Variants in ZNF618 observed in about 807,000 individuals in gnomAD.
ZNF618 encodes the protein zinc finger protein 618, also known as neural precursor cell expressed, developmentally down-regulated 10.
ZNF618 carries 34 observed loss-of-function variants against 103.0 expected under a neutral mutation model. The ratio of observed to expected loss-of-function variants is 0.33; its 90% CI spans 0.25 to 0.44. The LOEUF (loss-of-function observed/expected upper bound fraction) is 0.44. ZNF618 is among the 20% of genes least tolerant of loss of function. The probability of loss-of-function intolerance (pLI) is 1.00; values close to 1 mark genes in which losing one functional copy is unlikely to be tolerated. For synonymous variants in ZNF618, 551 were observed against 542.2 expected (o/e 1.02, Z -0.23); for missense variants, 1,059 against 1,295.4 (o/e 0.82, Z 2.80).
chr9:113,935,664 T>G (rs1833964449), intron 1 of ZNF618, among the ~76,000 whole-genome samples: 4 of 152,176 alleles, frequency 2.6e-5, no homozygotes, highest in Admixed American at 2.6e-4. Context: ...ACTCTTCTCC[T>G]TCGAGCCCAA....
intron 1 of ZNF618, among the ~76,000 whole-genome samples, chr9:113,910,998 T>G (rs1238080796): frequency 6.6e-6 from 1 of 151,392 alleles, no homozygotes; most frequent in African/African-American, 2.4e-5. Flanking sequence ...GCCTGGCTAA[T>G]TTTTTTTGTA....
Position 114,024,991 on chromosome 9 carries a change from T to TC in ZNF618, c.845-3738dup, listed in dbSNP as rs1843376300. Among the ~76,000 whole-genome samples, 3 of 152,074 alleles carry TC rather than the reference T, an allele frequency of 2.0e-5. No individual in the cohort carries two copies. In the South Asian group the frequency reaches 6.2e-4, roughly 32 times the overall value. Reference sequence around the variant, plus strand: ...TCTCTCTGCCCTGGTCCAGAGGGGCTCCCCAAGCAGAGAGCTAGAGTGACC... The same window carrying TC: ...TCTCTCTGCCCTGGTCCAGAGGGGCTCCCCCAAGCAGAGAGCTAGAGTGACC... On this transcript the variant is annotated intron_variant, in intron 10 of 14. Transcript: ENST00000374126.
rs552663596 is a variant in ZNF618 at position 114,049,672 on chromosome 9, G to A, written c.2370G>A (p.Glu790=). ...TVSKLCHLFL[E]ALKENFKVHP... is the part of the protein sequence containing the mutation. ...GCAAGCTCTGCCACCTCTTCCTGGA[G>A]GCGCTCAAGGAGAACTTCAAGGTGC... Residue 790 remains glutamate, a synonymous_variant, in exon 15 of 15, where the codon GAG becomes GAA. Transcript: ENST00000374126. 1 of 1,613,840 alleles carries A rather than the reference G, an allele frequency of 6.2e-7. No individual in the cohort carries two copies. The highest frequency in any genetic ancestry group is 2.2e-5 in the East Asian group (1 of 44,862).
intron 2 of ZNF618, among the ~76,000 whole-genome samples, chr9:113,981,737 A>G (rs1002333985): frequency 6.6e-6 from 1 of 152,246 alleles, no homozygotes; most frequent in African/African-American, 2.4e-5. Flanking sequence ...TAGTGACAAC[A>G]GTACCAGAAC....
chr9:113,914,624 A>T (rs1831897040), intron 1 of ZNF618, among the ~76,000 whole-genome samples: 1 of 152,234 alleles, frequency 6.6e-6, no homozygotes, highest in African/African-American at 2.4e-5. Context: ...GTAAGGAATC[A>T]TTCTATTTTT....
chr9:114,041,308 G>A (rs1224167055), intron 13 of ZNF618, among the ~76,000 whole-genome samples: 3 of 152,034 alleles, frequency 2.0e-5, no homozygotes, highest in Non-Finnish European at 4.4e-5. Flanking sequence ...AGTTTCTTTT[G>A]CTGTGCAGAA....
chr9:114,013,484 G>A (rs1222445714), intron 9 of ZNF618, among the ~76,000 whole-genome samples: 1 of 152,298 alleles, frequency 6.6e-6, no homozygotes, highest in African/African-American at 2.4e-5. Context: ...AGGCTGGAGT[G>A]CAGTGGCGCA....
At chr9:114,035,469 A>T (rs553981152) in intron 12 of ZNF618, among the ~76,000 whole-genome samples, 6 of 152,330 alleles carry the variant, frequency 3.9e-5, no homozygotes, top group Middle Eastern at 6.8e-3. Flanking sequence ...CTGCTGCCCC[A>T]GCCCTGGCAG....
At chr9:113,887,521 A>G (rs1345174700) in intron 1 of ZNF618, among the ~76,000 whole-genome samples, 1 of 152,066 alleles carries the variant, frequency 6.6e-6, no homozygotes, top group Non-Finnish European at 1.5e-5. Flanking sequence ...GGGCATAGAG[A>G]CCCAGGTCAC....
intron 13 of ZNF618, among the ~76,000 whole-genome samples, chr9:114,047,120 C>T (rs1182857139): frequency 6.6e-6 from 1 of 152,186 alleles, no homozygotes; most frequent in African/African-American, 2.4e-5. Context: ...GAAATGATCC[C>T]ATAAACATGT....
At chr9:113,992,775 G>C (rs529396522) in intron 3 of ZNF618, among the ~76,000 whole-genome samples, 2 of 152,314 alleles carry the variant, frequency 1.3e-5, no homozygotes, top group East Asian at 1.9e-4. Context: ...ACTTCCCGTG[G>C]GGGAGCCCGG....
intron 6 of ZNF618, among the ~76,000 whole-genome samples, chr9:114,002,961 A>G (rs955195816): frequency 3.3e-5 from 5 of 152,358 alleles, no homozygotes; most frequent in African/African-American, 1.2e-4. Context: ...TAAGGGGAGC[A>G]GGTTTCTTGT....
chr9:114,002,130 G>A, intron 5 of ZNF618, 57 bp downstream of exon 5: 2 of 1,536,340 alleles, frequency 1.3e-6, no homozygotes, highest in Non-Finnish European at 1.8e-6. Flanking sequence ...CTGTCTGCCT[G>A]TTTCCCACTT....
intron 1 of ZNF618, among the ~76,000 whole-genome samples, chr9:113,932,609 A>T (rs1007277551): frequency 2.0e-5 from 3 of 152,146 alleles, no homozygotes; most frequent in African/African-American, 7.2e-5. Flanking sequence ...CGTTGAATGA[A>T]TGTCGATGTC....
chr9:113,979,612 G>T (rs7857290), intron 2 of ZNF618, among the ~76,000 whole-genome samples: 223 of 152,350 alleles, frequency 1.5e-3, no homozygotes, highest in African/African-American at 4.9e-3. Flanking sequence ...TCACAGAAAA[G>T]TCTTGCCTGG....
rs114784084 is a variant in ZNF618 at position 114,014,691 on chromosome 9, T to C, written c.755-2004T>C. On this transcript the variant is annotated intron_variant, in intron 9 of 14. Transcript: ENST00000374126. ...ACTAATAAAACGGAATAATTAAATG[T>C]TACAGCAAGCTTTCCCACACATCAG... Among the ~76,000 whole-genome samples the C allele has an allele frequency of 5.0e-3, 760 of 152,316 alleles. 5 individuals are homozygous for C. Among genetic ancestry groups the C allele is most frequent in the African/African-American group, 0.018 (740 of 41,572 alleles).
At chr9:113,890,873 A>G (rs969886642) in intron 1 of ZNF618, among the ~76,000 whole-genome samples, 1 of 152,134 alleles carries the variant, frequency 6.6e-6, no homozygotes, top group African/African-American at 2.4e-5. Flanking sequence ...TACTTGCATT[A>G]TATTTTGGTT....
At chr9:113,880,225 C>T (rs1264743773) in intron 1 of ZNF618, among the ~76,000 whole-genome samples, 4 of 152,012 alleles carry the variant, frequency 2.6e-5, no homozygotes, top group Admixed American at 6.5e-5. Context: ...TTTCCATGTT[C>T]TTGTGATGTT....
chr9:113,977,656 G>A (rs1317934688), intron 2 of ZNF618, among the ~76,000 whole-genome samples: 8 of 152,180 alleles, frequency 5.3e-5, no homozygotes, highest in African/African-American at 1.7e-4. Flanking sequence ...GGTCAGAATT[G>A]CACCATTGCC....
Sources: gnomAD v4.1 joint callset for allele counts (sites outside exome capture counted in the v4.1 genomes callset) on GRCh38, gnomAD v4.1.1 for gene constraint, MANE v1.5 for transcripts, NCBI Gene and HGNC (gene_info 2026-07-23, HGNC 2026-07-21) for gene names.